Variants in PARM1 observed in about 807,000 individuals in gnomAD.
The protein encoded by PARM1 is WSC4, cell wall integrity and stress response component 4 homolog.
PARM1 carries 14 observed loss-of-function variants against 24.6 expected under a neutral mutation model. The observed-to-expected ratio is 0.57, with a 90% CI of 0.38 to 0.89. The LOEUF is 0.89. PARM1 is among the 40% of genes least tolerant of loss of function. The probability of loss-of-function intolerance (pLI) is 0.00; values close to 1 mark genes in which losing one functional copy is unlikely to be tolerated. For synonymous variants in PARM1, 179 were observed against 156.6 expected (o/e 1.14, Z -1.07); for missense variants, 362 against 380.4 (o/e 0.95, Z 0.40).
intron 3 of PARM1, among the ~76,000 whole-genome samples, chr4:75,043,300 T>C (rs1383933674): frequency 6.6e-6 from 1 of 152,208 alleles, no homozygotes; most frequent in Non-Finnish European, 1.5e-5. Flanking sequence ...GTATAAGATT[T>C]ATTATATTAA....
At chr4:75,021,755 C>T (rs1221973982) in intron 2 of PARM1, among the ~76,000 whole-genome samples, 1 of 152,152 alleles carries the variant, frequency 6.6e-6, no homozygotes, top group Non-Finnish European at 1.5e-5. Flanking sequence ...CTAATGGCCT[C>T]CAGCTCCATC....
In PARM1 at chr4:74,955,052, C is replaced by G. The variant is rs1721605201; in HGVS notation, c.43+21682C>G. The stretch of plus-strand genomic sequence containing the variant: ...GAGCACTAGATTAATTCAGTCTATG[C>G]TTTCTTGCCATATGACATCATTTCA... On this transcript the variant is annotated intron_variant, in intron 1 of 3. Transcript: ENST00000307428. Among the ~76,000 whole-genome samples, 3 of 152,098 alleles carry G rather than the reference C, an allele frequency of 2.0e-5. No homozygotes were observed. The South Asian group carries it at 6.2e-4, about 32-fold the overall frequency.
chr4:75,014,845 G>A (rs938784059), intron 2 of PARM1, among the ~76,000 whole-genome samples: 3 of 152,176 alleles, frequency 2.0e-5, no homozygotes, highest in Non-Finnish European at 4.4e-5. Flanking sequence ...GAGCTTGAAT[G>A]TGTATCTTCA....
At chr4:75,037,216 A>G (rs1466172947) in intron 3 of PARM1, among the ~76,000 whole-genome samples, 3 of 152,170 alleles carry the variant, frequency 2.0e-5, no homozygotes, top group Admixed American at 6.5e-5. Context: ...AAACAATAAC[A>G]TAACAAAAGA....
Position 74,995,797 on chromosome 4 carries a change from A to G in PARM1, c.44-16628A>G, listed in dbSNP as rs560519625. 2.0e-5 allele frequency among the ~76,000 whole-genome samples: 3 copies of G among 152,216 alleles called. 1 individual carries two copies. The highest frequency in any genetic ancestry group is 6.8e-3 in the Middle Eastern group (2 of 294). ...CCTCCAGATGTGTCCTCTTCCATCA[A>G]TCAGTTGTCTGCCCTCACCAGAGCG... On this transcript the variant is annotated intron_variant, in intron 1 of 3. Coordinates refer to ENST00000307428, the MANE Select transcript of PARM1 (RefSeq NM_015393.4).
At chr4:74,972,858 C>T (rs1477482218) in intron 1 of PARM1, among the ~76,000 whole-genome samples, 1 of 152,204 alleles carries the variant, frequency 6.6e-6, no homozygotes, top group African/African-American at 2.4e-5. Context: ...TGAAGACTTA[C>T]ACTGTGGGGA....
intron 1 of PARM1, among the ~76,000 whole-genome samples, chr4:75,003,015 T>C (rs1722710190): frequency 6.6e-6 from 1 of 152,214 alleles, no homozygotes; most frequent in Admixed American, 6.5e-5. Context: ...ACTGGGTCTG[T>C]GAAAGGAAAG....
At chr4:75,042,040 A>G (rs543006950) in intron 3 of PARM1, among the ~76,000 whole-genome samples, 1 of 152,316 alleles carries the variant, frequency 6.6e-6, no homozygotes, top group South Asian at 2.1e-4. Flanking sequence ...TTGACCATCA[A>G]TATTCCTTAT....
At chr4:75,024,949 T>C (rs11943279) in intron 2 of PARM1, among the ~76,000 whole-genome samples, 25,834 of 152,196 alleles carry the variant, frequency 0.17, 4,076 homozygotes, top group African/African-American at 0.42. Context: ...CCCGCCTTGG[T>C]CTCCCAAAGT....
At chr4:74,944,604 C>T (rs142610524) in intron 1 of PARM1, among the ~76,000 whole-genome samples, 2 of 152,280 alleles carry the variant, frequency 1.3e-5, no homozygotes, top group African/African-American at 2.4e-5. Context: ...AGGGCCTGAT[C>T]TCTCACCGGA....
intron 1 of PARM1, among the ~76,000 whole-genome samples, chr4:74,999,457 A>G (rs568839564): frequency 3.3e-5 from 5 of 152,320 alleles, no homozygotes; most frequent in Admixed American, 2.0e-4. Flanking sequence ...TGCAGGAGAC[A>G]TTAAGCATTA....
At chr4:74,978,006 A>G (rs1396693650) in intron 1 of PARM1, among the ~76,000 whole-genome samples, 1 of 152,232 alleles carries the variant, frequency 6.6e-6, no homozygotes, top group Admixed American at 6.5e-5. Context: ...CAGCTACTAT[A>G]AAAACACACT....
rs539412954 is a variant in PARM1, at chr4:74,982,678, G to A, written c.44-29747G>A. Among the ~76,000 whole-genome samples, 19 of 152,228 alleles carry A rather than the reference G, an allele frequency of 1.2e-4. No homozygotes were observed. The South Asian group carries it at 3.5e-3, about 28-fold the overall frequency. Reference sequence around the variant, plus strand: ...TGTTGAATGTGAATTTACTCCAGGGGCAGTGCTCTTTATTTCCAGGGTAAC... The same window carrying A: ...TGTTGAATGTGAATTTACTCCAGGGACAGTGCTCTTTATTTCCAGGGTAAC... On this transcript the variant is annotated intron_variant, in intron 1 of 3. Transcript: ENST00000307428.
intron 1 of PARM1, among the ~76,000 whole-genome samples, chr4:74,969,215 C>T (rs1266677155): frequency 6.6e-6 from 1 of 152,150 alleles, no homozygotes; most frequent in Non-Finnish European, 1.5e-5. Flanking sequence ...CAGAGAGAGC[C>T]AAGCTCATGG....
At chr4:75,000,819 T>G (rs538871010) in intron 1 of PARM1, among the ~76,000 whole-genome samples, 2 of 152,212 alleles carry the variant, frequency 1.3e-5, no homozygotes, top group Non-Finnish European at 2.9e-5. Flanking sequence ...TGAATGGAGA[T>G]ATTGCTGTTA....
At chr4:74,933,760 A>G (rs997615329) in intron 1 of PARM1, among the ~76,000 whole-genome samples, 2 of 152,134 alleles carry the variant, frequency 1.3e-5, no homozygotes, top group African/African-American at 4.8e-5. Context: ...GGGCCCTGGA[A>G]GGGATGAAAA....
chr4:74,958,790 G>C (rs1721701769), intron 1 of PARM1, among the ~76,000 whole-genome samples: 1 of 152,128 alleles, frequency 6.6e-6, no homozygotes, highest in Non-Finnish European at 1.5e-5. Context: ...CTATCTCTGA[G>C]AGTTATGAGG....
chr4:75,047,505 C>G lies in PARM1; in HGVS notation c.*1258C>G, dbSNP rs1723630205. 1 of 152,230 alleles carries G rather than the reference C, an allele frequency of 6.6e-6. No individual in the cohort carries two copies. The highest frequency in any genetic ancestry group is 1.5e-5 in the Non-Finnish European group (1 of 68,052). 9.4% of individuals were successfully genotyped at this position (152,230 alleles called of 1,614,324 possible). Reference sequence around the variant, plus strand: ...GGTATCTGTGTATTGCAATCATTCTCAACCAGGAGGTGATTTTGCCCCCTG... The same window carrying G: ...GGTATCTGTGTATTGCAATCATTCTGAACCAGGAGGTGATTTTGCCCCCTG... On this transcript the variant is annotated 3_prime_UTR_variant, in exon 4 of 4. Coordinates refer to ENST00000307428, the MANE Select transcript of PARM1 (RefSeq NM_015393.4).
intron 3 of PARM1, among the ~76,000 whole-genome samples, chr4:75,039,010 A>G (rs532844270): frequency 2.0e-5 from 3 of 152,214 alleles, no homozygotes; most frequent in African/African-American, 7.2e-5. Context: ...GAAGTCACCT[A>G]TTTTGCTTTA....
Sources: allele counts gnomAD v4.1 joint callset (sites outside exome capture counted in the v4.1 genomes callset), GRCh38; gene constraint gnomAD v4.1.1; transcripts MANE v1.5; gene names NCBI Gene and HGNC (gene_info 2026-07-23, HGNC 2026-07-21).